Variants in ALS2CL observed in about 807,000 individuals in gnomAD.
The protein encoded by ALS2CL is ALS2 C-terminal like.
A neutral mutation model predicts 127.9 loss-of-function variants in ALS2CL; 112 were observed. That is an observed-to-expected ratio of 0.88 (90% CI 0.75 to 1.02). ALS2CL has a LOEUF of 1.02. Ranked by LOEUF, ALS2CL falls within the 50% of genes least tolerant of loss-of-function variation. The pLI, the probability that ALS2CL is intolerant of heterozygous loss-of-function variation, is 0.00. For synonymous variants in ALS2CL, 519 were observed against 527.6 expected (o/e 0.98, Z 0.22); for missense variants, 1,174 against 1,236.7 (o/e 0.95, Z 0.76).
In ALS2CL at chr3:46,674,713, A is replaced by G. The variant is rs111649535; in HGVS notation, c.2282T>C (p.Leu761Pro). ...TRDLQVHGLV[L>P]PLMLPSFYSE... Reference sequence around the variant, plus strand: ...GTAGAAGCTGGGCAGCATGAGGGGCAGCACCAATCCATGCACCTGGAGGTC... The same window carrying G: ...GTAGAAGCTGGGCAGCATGAGGGGCGGCACCAATCCATGCACCTGGAGGTC... The change falls in exon 21 of 26, where the codon CTG (leucine) becomes CCG (proline). Residue 761 changes from leucine to proline, a missense_variant. Transcript: ENST00000318962. 3 of 1,613,128 alleles carry G rather than the reference A, an allele frequency of 1.9e-6. No homozygotes were observed. Among genetic ancestry groups the G allele is most frequent in the South Asian group, 2.2e-5 (2 of 90,914 alleles).
At chr3:46,690,620 C>T (rs1164028711) in intron 1 of ALS2CL, among the ~76,000 whole-genome samples, 1 of 152,242 alleles carries the variant, frequency 6.6e-6, no homozygotes. Flanking sequence ...GCCCAAATGA[C>T]CTGATCAGGT....
Position 46,686,503 on chromosome 3 carries a change from G to T in ALS2CL, c.535-64C>A, listed in dbSNP as rs973579815. On this transcript the variant is annotated intron_variant, in intron 5 of 25. Transcript: ENST00000318962. The surrounding 1 kb of genome is among the most constrained non-coding windows in gnomAD (Gnocchi z 4.3). ...CTGGAATCTTCCCTAGCCCAGTCCT[G>T]GTCCCGGCTGGTGGGGAGGCCTGAA... is the stretch of plus-strand genomic sequence containing the variant. 6.4e-7 allele frequency: 1 copy of T among 1,552,200 alleles called. No homozygotes were observed. The highest frequency in any genetic ancestry group is 8.7e-7 in the Non-Finnish European group (1 of 1,147,434).
In ALS2CL at chr3:46,677,006, C is replaced by G. The variant is rs1232864990; in HGVS notation, c.1774G>C (p.Ala592Pro). The change falls in exon 17 of 26, where the codon GCC becomes CCC. Residue 592 changes from alanine (A) to proline (P), a missense_variant. Transcript: ENST00000318962. Reference protein sequence around the residue: ...STCKRQLGVGAFPVESRWQGV... With the variant: ...STCKRQLGVGPFPVESRWQGV... ...TGCCAGCGGCTTTCCACGGGGAAGG[C>G]ACCCACGCCCAGCTGCCTGCGATGG... 6.2e-7 allele frequency: 1 copy of G among 1,606,672 alleles called. No individual in the cohort carries two copies. The highest frequency in any genetic ancestry group is 1.7e-5 in the Admixed American group (1 of 59,530).
At chr3:46,688,801 G>C (rs1406842452) in intron 2 of ALS2CL, among the ~76,000 whole-genome samples, 1 of 152,244 alleles carries the variant, frequency 6.6e-6, no homozygotes, top group African/African-American at 2.4e-5. Context: ...GCCCTAGGTG[G>C]GAGCAAGATG....
At position 46,687,145 on chromosome 3, in the gene ALS2CL, C is replaced by T. The variant is rs749528703; in HGVS notation, c.372G>A (p.Glu124=). Reference sequence around the variant, plus strand: ...GCGCCTTCCGCTGGCCCCGCCAGTACTCGCTGCGTGTAGAGAGGGCCACGC... The same window carrying T: ...GCGCCTTCCGCTGGCCCCGCCAGTATTCGCTGCGTGTAGAGAGGGCCACGC... ...AFQKAAKRRS[E]YWRGQRKALR... is the part of the protein sequence containing the mutation. Residue 124 remains glutamate, a synonymous_variant, in exon 5 of 26, where the codon GAG becomes GAA. Transcript: ENST00000318962. 3.2e-5 allele frequency: 50 copies of T among 1,570,420 alleles called. No homozygotes were observed. In the South Asian group the frequency reaches 5.1e-4, roughly 16 times the overall value.
chr3:46,686,277 T>G lies in ALS2CL; in HGVS notation c.666+31A>C, dbSNP rs746598081. ...TCTCCATGCCCAATGTGGAACCCCC[T>G]CCCTAACTGCCCCTCAGGCCCCCAA... On this transcript the variant is annotated intron_variant, in intron 6 of 25. Coordinates refer to ENST00000318962, the MANE Select transcript of ALS2CL (RefSeq NM_147129.5). The surrounding 1 kb of genome is among the most constrained non-coding windows in gnomAD (Gnocchi z 4.3). The G allele has an allele frequency of 1.3e-6, 2 of 1,578,698 alleles. No homozygotes were observed. Among genetic ancestry groups the G allele is most frequent in the Non-Finnish European group, 1.7e-6 (2 of 1,162,110 alleles).
In ALS2CL at chr3:46,671,056, G is replaced by C. The variant is rs374861021; in HGVS notation, c.2790C>G (p.Tyr930Ter). 6.2e-7 allele frequency: 1 copy of C among 1,614,098 alleles called. No individual in the cohort carries two copies. Among genetic ancestry groups the C allele is most frequent in the South Asian group, 1.1e-5 (1 of 91,080 alleles). Residue 930 changes from tyrosine to a stop codon, truncating the protein, a stop_gained, in exon 26 of 26, where the codon TAC becomes TAG. Coordinates refer to ENST00000318962, the MANE Select transcript of ALS2CL (RefSeq NM_147129.5). LOFTEE classifies it high-confidence loss of function. ...TCATGTCTTCTTTCTGGATGTGCTCGTAACAGGACTGGAGGGAGAGAGGCA... is the reference window on the plus strand; with the variant it reads ...TCATGTCTTCTTTCTGGATGTGCTCCTAACAGGACTGGAGGGAGAGAGGCA... The part of the protein sequence containing the change: ...DFLLTALESC[Y>*]EHIQKEDMRL...
intron 7 of ALS2CL, among the ~76,000 whole-genome samples, chr3:46,685,051 C>T (rs1699655562): frequency 6.6e-6 from 1 of 152,182 alleles, no homozygotes; most frequent in Non-Finnish European, 1.5e-5. Flanking sequence ...CTTCTGACTT[C>T]CACAATGCTG....
chr3:46,692,972 T>G (rs934207282), intron 1 of ALS2CL, among the ~76,000 whole-genome samples: 1 of 152,056 alleles, frequency 6.6e-6, no homozygotes, highest in Non-Finnish European at 1.5e-5. Context: ...TGTGGAGGCT[T>G]TTTCATGGGC....
chr3:46,683,939 T>G (rs1699568019), intron 8 of ALS2CL, 50 bp downstream of exon 8: 6 of 1,612,970 alleles, frequency 3.7e-6, no homozygotes, highest in Non-Finnish European at 5.1e-6. Flanking sequence ...GCAGGTGTCA[T>G]GGGGGTAAAG....
rs77039876 is a variant in ALS2CL, at chr3:46,678,276, C to T, written c.1740G>A (p.Pro580=). Residue 580 remains proline, a synonymous_variant, in exon 16 of 26, where the codon CCG becomes CCA. Coordinates refer to ENST00000318962, the MANE Select transcript of ALS2CL (RefSeq NM_147129.5). ...VLDTAALPPD[P]SSTCKRQLGV... ...GCACTCACCTCTTGCAGGTACTGCT[C>T]GGGTCTGGTGGGAGGGCAGCCGTGT... is the stretch of plus-strand genomic sequence containing the variant. 5.5e-3 allele frequency: 8,738 copies of T among 1,599,034 alleles called. 373 individuals carry two copies. The African/African-American group carries it at 0.099, about 18-fold the overall frequency.
chr3:46,680,969 A>G, intron 13 of ALS2CL: 1 of 584,788 alleles, frequency 1.7e-6, no homozygotes, highest in Non-Finnish European at 3.1e-6. Context: ...CCAGAGAGCC[A>G]GCAAGGGCTG....
chr3:46,692,819 C>T (rs950620254), intron 1 of ALS2CL, among the ~76,000 whole-genome samples: 12 of 152,340 alleles, frequency 7.9e-5, no homozygotes, highest in African/African-American at 2.9e-4. Context: ...CCTCTGTCCA[C>T]GCTAGGTCCC....
In ALS2CL at chr3:46,688,217, C is replaced by G. The variant is rs766679789; in HGVS notation, c.183G>C (p.Trp61Cys). ...QQLHKSSQQL[W>C]EVTEESLHSL... ...AGTGCAGGCTTTCCTCCGTCACCTC[C>G]CAGAGTTGCTGGGAGCTCTTGTGCA... The change falls in exon 3 of 26, where the codon TGG becomes TGC. Residue 61 changes from tryptophan to cysteine, a missense_variant. Trp to Cys is a radical substitution (Grantham distance 215). Transcript: ENST00000318962. 1.9e-6 allele frequency: 3 copies of G among 1,613,094 alleles called. No individual in the cohort carries two copies. The highest frequency in any genetic ancestry group is 2.5e-6 in the Non-Finnish European group (3 of 1,180,014).
At chr3:46,687,542 G>A (rs1031910591) in intron 4 of ALS2CL, 77 bp downstream of exon 4, 8 of 1,519,790 alleles carry the variant, frequency 5.3e-6, no homozygotes, top group Non-Finnish European at 7.2e-6. Context: ...CTGCTCTGGG[G>A]AGGGGGCTTC....
chr3:46,687,548 G>C lies in ALS2CL; in HGVS notation c.368+71C>G. The C allele has an allele frequency of 1.9e-6, 3 of 1,542,790 alleles. No homozygotes were observed. The South Asian group carries it at 3.5e-5, about 18-fold the overall frequency. On this transcript the variant is annotated intron_variant, in intron 4 of 25. Coordinates refer to ENST00000318962, the MANE Select transcript of ALS2CL (RefSeq NM_147129.5). ...TGACACCTGCTGCTCTGGGGAGGGGGCTTCCCCGACCCCACCCTCACTCAG... is the reference window on the plus strand; with the variant it reads ...TGACACCTGCTGCTCTGGGGAGGGGCCTTCCCCGACCCCACCCTCACTCAG...
chr3:46,670,804 AC>A lies in ALS2CL; in HGVS notation c.*179del. On this transcript the variant is annotated 3_prime_UTR_variant, in exon 26 of 26. Coordinates refer to ENST00000318962, the MANE Select transcript of ALS2CL (RefSeq NM_147129.5). The surrounding 1 kb of genome is among the most constrained non-coding windows in gnomAD (Gnocchi z 5.5). ...GGAAAACCACCACATCCAGGGCCAC[AC>A]CCGTCACCCCTCACCCTCATCCCAG... 1.6e-6 allele frequency: 1 copy of A among 611,814 alleles called. No homozygotes were observed. Among genetic ancestry groups the A allele is most frequent in the Non-Finnish European group, 2.9e-6 (1 of 349,876 alleles). 37.9% of individuals were successfully genotyped at this position (611,814 alleles called of 1,614,324 possible).
At chr3:46,675,935 C>T (rs1698777251) in intron 19 of ALS2CL, 8 of 1,427,178 alleles carry the variant, frequency 5.6e-6, no homozygotes, top group Non-Finnish European at 7.3e-6. Context: ...ACAGCCCAGC[C>T]TGGGACTGCA....
intron 19 of ALS2CL, 108 bp downstream of exon 19, chr3:46,676,137 T>G (rs1203234755): frequency 4.0e-6 from 6 of 1,483,262 alleles, no homozygotes; most frequent in Non-Finnish European, 5.4e-6. Flanking sequence ...TGGTTCATTG[T>G]TGAATCAGAC....
Sources: gnomAD v4.1 joint callset for allele counts (sites outside exome capture counted in the v4.1 genomes callset) on GRCh38, gnomAD v4.1.1 for gene constraint, Gnocchi (gnomAD v3.1) non-coding constraint, MANE v1.5 for transcripts, NCBI Gene and HGNC (gene_info 2026-07-23, HGNC 2026-07-21) for gene names.